The following NPLOC4 variants were observed in gnomAD, a reference collection of about 807,000 sequenced individuals.
The protein encoded by NPLOC4 is nuclear protein localization protein 4 homolog.
NPLOC4 carries 18 observed loss-of-function variants against 80.6 expected under a neutral mutation model. That is an observed-to-expected ratio of 0.22 (90% CI 0.15 to 0.33). The LOEUF (loss-of-function observed/expected upper bound fraction) is 0.33, where lower values mean the gene tolerates loss of function less well. Ranked by LOEUF, NPLOC4 falls within the 10% of genes least tolerant of loss-of-function variation. NPLOC4 has a pLI of 1.00. For synonymous variants in NPLOC4, 313 were observed against 301.5 expected, an observed-to-expected ratio of 1.04 and a Z score of -0.39; for missense variants, 540 against 786.1, an observed-to-expected ratio of 0.69 and a Z score of 3.74.
chr17:81,619,836 G>A lies in NPLOC4; in HGVS notation c.209+2330C>T, dbSNP rs9911375. On this transcript the variant is annotated intron_variant, in intron 3 of 16. Transcript: ENST00000331134. ...AGAGGTTGCAGTGAGCTGAGATTGCGCCACTGCACTCCAGCCTGGGCAACA... is the reference window on the plus strand; with the variant it reads ...AGAGGTTGCAGTGAGCTGAGATTGCACCACTGCACTCCAGCCTGGGCAACA... Among the ~76,000 whole-genome samples the A allele has an allele frequency of 5.6e-3, 845 of 150,964 alleles. 15 individuals carry two copies. The highest frequency in any genetic ancestry group is 0.02 in the African/African-American group (809 of 41,052).
chr17:81,603,468 C>A (rs1470658577), intron 8 of NPLOC4, among the ~76,000 whole-genome samples: 1 of 151,586 alleles, frequency 6.6e-6, no homozygotes, highest in Non-Finnish European at 1.5e-5. Flanking sequence ...TGGTGGCATG[C>A]ACCTGTAGTC....
intron 7 of NPLOC4, among the ~76,000 whole-genome samples, chr17:81,605,095 T>C (rs2144218719): frequency 6.6e-6 from 1 of 151,324 alleles, no homozygotes; most frequent in South Asian, 2.1e-4. Flanking sequence ...CCCGTCTCTA[T>C]TTTTTTTGTA....
intron 11 of NPLOC4, among the ~76,000 whole-genome samples, chr17:81,592,980 CA>C (rs1473609870): frequency 2.0e-5 from 3 of 151,250 alleles, no homozygotes; most frequent in Non-Finnish European, 4.4e-5. Flanking sequence ...AAGACTGTCT[CA>C]AAAAAAATTA....
intron 1 of NPLOC4, among the ~76,000 whole-genome samples, chr17:81,633,657 C>T (rs996678356): frequency 1.3e-5 from 2 of 152,182 alleles, no homozygotes; most frequent in Non-Finnish European, 2.9e-5. Context: ...GACTAGAACG[C>T]TTCTTGGGGA....
Position 81,572,128 on chromosome 17 carries a change from T to C in NPLOC4, c.1282-40A>G. On this transcript the variant is annotated intron_variant, in intron 12 of 16. Coordinates refer to ENST00000331134, the MANE Select transcript of NPLOC4 (RefSeq NM_017921.4). The surrounding 1 kb of genome is among the most constrained non-coding windows in gnomAD (Gnocchi z 4.5). ...GGGGAACAGCGGTGAGCAAAGACGATCAGTAGTAATGATTTTCCTTTCACA... is the reference window on the plus strand; with the variant it reads ...GGGGAACAGCGGTGAGCAAAGACGACCAGTAGTAATGATTTTCCTTTCACA... 7.3e-7 allele frequency: 1 copy of C among 1,363,276 alleles called. No homozygotes were observed. The highest frequency in any genetic ancestry group is 1.0e-6 in the Non-Finnish European group (1 of 976,142). The allele number at this position is 1,363,276 out of a possible 1,614,324, so 84.4% of individuals were successfully genotyped here. A position where few individuals can be genotyped will look rare whatever the true frequency, so the allele number is the denominator to read the frequency against.
chr17:81,611,047 C>CCACTGCCAATT (rs1198162965), intron 4 of NPLOC4, among the ~76,000 whole-genome samples: 41 of 152,050 alleles, frequency 2.7e-4, no homozygotes, highest in South Asian at 1.5e-3. Flanking sequence ...TGGCCAAAGG[C>CCACTGCCAATT]AGTGGCTCAC....
Position 81,587,755 on chromosome 17 carries a change from G to A in NPLOC4, c.1281+1189C>T, listed in dbSNP as rs77452943. 2.9e-3 allele frequency among the ~76,000 whole-genome samples: 369 copies of A among 127,776 alleles called. 7 individuals are homozygous for A. In the East Asian group the frequency reaches 0.072, roughly 25 times the overall value. 83.8% of individuals were successfully genotyped at this position (127,776 alleles called of 152,430 possible). The stretch of plus-strand genomic sequence containing the variant: ...GTGGCACGATCTTAATGCAAGCTCC[G>A]CCTCCCAGGTTCACGCCATTCTCCT... On this transcript the variant is annotated intron_variant, in intron 12 of 16. Transcript: ENST00000331134.
intron 1 of NPLOC4, among the ~76,000 whole-genome samples, chr17:81,633,141 A>AAG (rs1373145768): frequency 2.7e-5 from 4 of 149,526 alleles, no homozygotes; most frequent in African/African-American, 7.4e-5. Flanking sequence ...AAAAAAAAAA[A>AAG]AAAGAAAAGA....
chr17:81,622,937 G>C (rs2035704348), intron 2 of NPLOC4, among the ~76,000 whole-genome samples: 1 of 151,872 alleles, frequency 6.6e-6, no homozygotes, highest in Non-Finnish European at 1.5e-5. Context: ...GCTCATGCCT[G>C]TAATCCCAGC....
At chr17:81,622,049 T>C in intron 3 of NPLOC4, 117 bp downstream of exon 3, 1 of 731,036 alleles carries the variant, frequency 1.4e-6, no homozygotes, top group Non-Finnish European at 2.4e-6. Flanking sequence ...TCTGGTCAGT[T>C]GATAAGACCA....
At chr17:81,584,512 C>T (rs2034524289) in intron 12 of NPLOC4, among the ~76,000 whole-genome samples, 2 of 152,188 alleles carry the variant, frequency 1.3e-5, no homozygotes. Context: ...AAAGCACTTG[C>T]TTTACAATTA....
At chr17:81,576,870 C>A (rs1020824208) in intron 12 of NPLOC4, among the ~76,000 whole-genome samples, 1 of 152,206 alleles carries the variant, frequency 6.6e-6, no homozygotes, top group South Asian at 2.1e-4. Context: ...GAGGGCAAGG[C>A]TGGTCTGCAG....
At chr17:81,617,776 A>C (rs1331103074) in intron 3 of NPLOC4, among the ~76,000 whole-genome samples, 1 of 148,840 alleles carries the variant, frequency 6.7e-6, no homozygotes, top group African/African-American at 2.5e-5. Context: ...CTCCTGCCTC[A>C]GCCTGCCGAG....
intron 16 of NPLOC4, 100 bp from the exon 17 acceptor site, chr17:81,559,516 G>A (rs537605448): frequency 6.3e-4 from 839 of 1,325,020 alleles, no homozygotes; most frequent in African/African-American, 3.1e-3. Flanking sequence ...AGAGCTCCCC[G>A]CCCCCAACAT....
At chr17:81,589,346 C>T (rs551282854) in intron 11 of NPLOC4, among the ~76,000 whole-genome samples, 31 of 151,982 alleles carry the variant, frequency 2.0e-4, no homozygotes, top group African/African-American at 6.5e-4. Flanking sequence ...CCGGATAACA[C>T]GGTGAAACCC....
intron 12 of NPLOC4, among the ~76,000 whole-genome samples, chr17:81,576,346 T>C (rs1046460887): frequency 6.6e-6 from 1 of 152,228 alleles, no homozygotes; most frequent in African/African-American, 2.4e-5. Context: ...GGTCCACCTA[T>C]AGGCAGACTT....
At chr17:81,591,818 AG>A (rs1156348446) in intron 11 of NPLOC4, among the ~76,000 whole-genome samples, 3 of 152,258 alleles carry the variant, frequency 2.0e-5, no homozygotes, top group Non-Finnish European at 4.4e-5. Flanking sequence ...AGGCAGTGAC[AG>A]CAAAACTTCA....
intron 3 of NPLOC4, among the ~76,000 whole-genome samples, chr17:81,620,457 T>C (rs550494949): frequency 1.3e-5 from 2 of 151,878 alleles, no homozygotes; most frequent in African/African-American, 2.4e-5. Context: ...GATCACGTCA[T>C]TGCACTCCAG....
At chr17:81,589,225 A>C in intron 11 of NPLOC4, 121 bp from the exon 12 acceptor site, 1 of 880,590 alleles carries the variant, frequency 1.1e-6, no homozygotes, top group Non-Finnish European at 1.7e-6. Context: ...GTCGGGGGTA[A>C]GAGTTAAAAA....
Sources: gnomAD v4.1 joint callset for allele counts (sites outside exome capture counted in the v4.1 genomes callset) on GRCh38, gnomAD v4.1.1 for gene constraint, Gnocchi (gnomAD v3.1) non-coding constraint, MANE v1.5 for transcripts, NCBI Gene and HGNC (gene_info 2026-07-23, HGNC 2026-07-21) for gene names.